The following LHFPL7 variants were observed in gnomAD, a reference collection of about 807,000 sequenced individuals.
The protein encoded by LHFPL7 is LHFPL tetraspan subfamily member 7.
the LHFPL7 span, chr22:24,946,423 CCACACACACACA>C: frequency 7.4e-6 from 1 of 135,556 alleles, no homozygotes; most frequent in South Asian, 2.6e-4. Context: ...ACCCACCCAC[CCACACACACACA>C]CACACACAAT....
chr22:24,945,771 T>C, the LHFPL7 span, among the ~76,000 whole-genome samples: 1 of 152,042 alleles, frequency 6.6e-6, no homozygotes, highest in Admixed American at 6.6e-5. Flanking sequence ...GTGCAGGCCA[T>C]GTCCAGGCTG....
At chr22:24,935,170 G>A in the LHFPL7 span, 20 of 878,710 alleles carry the variant, frequency 2.3e-5, no homozygotes, top group Non-Finnish European at 3.1e-5. Context: ...AGGTAGGTAT[G>A]ATTTCAACTT....
At chr22:24,942,938 T>TGTGTGTGTGTG in the LHFPL7 span, among the ~76,000 whole-genome samples, 3 of 137,882 alleles carry the variant, frequency 2.2e-5, no homozygotes, top group Admixed American at 7.0e-5. Flanking sequence ...TGTGTGTGTG[T>TGTGTGTGTGTG]TGCTGGGGGA....
the LHFPL7 span, among the ~76,000 whole-genome samples, chr22:24,943,621 T>C: frequency 6.6e-6 from 1 of 152,126 alleles, no homozygotes; most frequent in Non-Finnish European, 1.5e-5. Context: ...AAACTGAGGC[T>C]CAGGAAGCAA....
chr22:24,940,551 G>C, the LHFPL7 span, among the ~76,000 whole-genome samples: 3 of 150,618 alleles, frequency 2.0e-5, no homozygotes, highest in South Asian at 4.2e-4. Flanking sequence ...AGCCGAGATC[G>C]CACCACTGCA....
At chr22:24,942,056 C>T in the LHFPL7 span, among the ~76,000 whole-genome samples, 1 of 151,868 alleles carries the variant, frequency 6.6e-6, no homozygotes, top group African/African-American at 2.4e-5. Flanking sequence ...AGTGCAGTGG[C>T]ACGATCTCCA....
the LHFPL7 span, among the ~76,000 whole-genome samples, chr22:24,945,043 T>C: frequency 6.6e-6 from 1 of 151,906 alleles, no homozygotes; most frequent in African/African-American, 2.4e-5. Flanking sequence ...CTCTTGACCT[T>C]GTGATCTGCC....
the LHFPL7 span, among the ~76,000 whole-genome samples, chr22:24,944,313 G>C: frequency 1.3e-5 from 2 of 152,228 alleles, no homozygotes; most frequent in Middle Eastern, 3.4e-3. Context: ...GAAAAATGAA[G>C]CGTTGGAGGG....
chr22:24,942,405 C>A, the LHFPL7 span, among the ~76,000 whole-genome samples: 1 of 152,220 alleles, frequency 6.6e-6, no homozygotes, highest in African/African-American at 2.4e-5. Flanking sequence ...TAACAAATAG[C>A]CAATCCTGCC....
the LHFPL7 span, chr22:24,935,532 T>C: frequency 6.2e-7 from 1 of 1,613,932 alleles, no homozygotes; most frequent in Non-Finnish European, 8.5e-7. Flanking sequence ...TTCGCACACT[T>C]CCTTGATGAA....
At chr22:24,943,284 C>T in the LHFPL7 span, among the ~76,000 whole-genome samples, 1 of 152,132 alleles carries the variant, frequency 6.6e-6, no homozygotes, top group Non-Finnish European at 1.5e-5. Flanking sequence ...TTTTGTTCTC[C>T]AGATAATGCT....
At chr22:24,940,453 G>A in the LHFPL7 span, among the ~76,000 whole-genome samples, 644 of 150,704 alleles carry the variant, frequency 4.3e-3, 2 homozygotes, top group African/African-American at 0.015. Flanking sequence ...AAAATTAGCC[G>A]GGCGTGGGAG....
the LHFPL7 span, among the ~76,000 whole-genome samples, chr22:24,940,341 C>T: frequency 1.3e-5 from 2 of 150,212 alleles, no homozygotes; most frequent in African/African-American, 4.9e-5. Context: ...CGCCTGTAAT[C>T]CCAGCACTTT....
the LHFPL7 span, among the ~76,000 whole-genome samples, chr22:24,943,670 G>A: frequency 6.6e-6 from 1 of 152,146 alleles, no homozygotes; most frequent in African/African-American, 2.4e-5. Flanking sequence ...AATCAGGCTC[G>A]GGTTCTGGGC....
At chr22:24,943,120 A>G in the LHFPL7 span, among the ~76,000 whole-genome samples, 1 of 151,876 alleles carries the variant, frequency 6.6e-6, no homozygotes, top group Non-Finnish European at 1.5e-5. Context: ...TGTTTTCCCT[A>G]CACCAAAATC....
At chr22:24,940,112 A>G in the LHFPL7 span, among the ~76,000 whole-genome samples, 1 of 148,428 alleles carries the variant, frequency 6.7e-6, no homozygotes, top group Non-Finnish European at 1.5e-5. Flanking sequence ...TATTTTTAGT[A>G]GAGACGGGTT....
chr22:24,938,156 T>C, the LHFPL7 span: 4 of 1,614,138 alleles, frequency 2.5e-6, no homozygotes, highest in Admixed American at 6.7e-5. Context: ...TACCTGCCAC[T>C]GCCTGCACCC....
the LHFPL7 span, among the ~76,000 whole-genome samples, chr22:24,939,150 C>A: frequency 6.6e-6 from 1 of 152,202 alleles, no homozygotes; most frequent in Admixed American, 6.5e-5. Context: ...ACAGGTGTTT[C>A]TGAAGGGCTG....
chr22:24,941,004 C>G, the LHFPL7 span, among the ~76,000 whole-genome samples: 1 of 151,726 alleles, frequency 6.6e-6, no homozygotes, highest in Admixed American at 6.6e-5. Context: ...CAAGGTCTCC[C>G]TATATTGGCC....
Sources: gnomAD v4.1 joint callset for allele counts (sites outside exome capture counted in the v4.1 genomes callset) on GRCh38, gnomAD v4.1.1 for gene constraint, MANE v1.5 for transcripts, NCBI Gene and HGNC (gene_info 2026-07-23, HGNC 2026-07-21) for gene names.